The following PTPN1 variants were observed in gnomAD, a reference collection of about 807,000 sequenced individuals.
The protein encoded by PTPN1 is tyrosine-protein phosphatase non-receptor type 1.
A neutral mutation model predicts 59.9 loss-of-function variants in PTPN1; 12 were observed. That is an observed-to-expected ratio of 0.20 (90% CI 0.13 to 0.32). The LOEUF (loss-of-function observed/expected upper bound fraction) is 0.32. Among genes scored for constraint, PTPN1 ranks in the 10% least tolerant of loss-of-function variants. The probability of loss-of-function intolerance (pLI) is 1.00; values close to 1 mark genes in which losing one functional copy is unlikely to be tolerated. For synonymous variants in PTPN1, 178 were observed against 203.6 expected, an observed-to-expected ratio of 0.87 and a Z score of 1.07; for missense variants, 356 against 549.2, an observed-to-expected ratio of 0.65 and a Z score of 3.52.
At position 50,523,337 on chromosome 20, in the gene PTPN1, C is replaced by T. The variant is rs776798517; in HGVS notation, c.63+12747C>T. ...GTGGGGTGTTTAAATATAGAACATTCGGAGAATGCTCCGAAGCTTCAGAGA... is the reference window on the plus strand; with the variant it reads ...GTGGGGTGTTTAAATATAGAACATTTGGAGAATGCTCCGAAGCTTCAGAGA... On this transcript the variant is annotated intron_variant, in intron 1 of 9. Transcript: ENST00000371621. Among the ~76,000 whole-genome samples, 23 of 152,064 alleles carry T rather than the reference C, an allele frequency of 1.5e-4. 1 individual carries two copies. Among genetic ancestry groups the T allele is most frequent in the African/African-American group, 2.4e-5 (1 of 41,396 alleles).
rs1045952731 is a variant in PTPN1, at chr20:50,567,134, A to G, written c.256-1246A>G. 2.9e-4 allele frequency among the ~76,000 whole-genome samples: 44 copies of G among 152,208 alleles called. 1 individual carries two copies. Among genetic ancestry groups the G allele is most frequent in the Non-Finnish European group, 4.4e-5 (3 of 68,038 alleles). On this transcript the variant is annotated intron_variant, in intron 3 of 9. Transcript: ENST00000371621. ...CTTAAAGGGAGAAGATTTAAAGAATAAGGAGCTTATGGGCCGGGGACGGTG... is the reference window on the plus strand; with the variant it reads ...CTTAAAGGGAGAAGATTTAAAGAATGAGGAGCTTATGGGCCGGGGACGGTG...
At chr20:50,559,860 G>GTTT (rs774784720) in intron 1 of PTPN1, among the ~76,000 whole-genome samples, 1 of 141,854 alleles carries the variant, frequency 7.0e-6, no homozygotes, top group Non-Finnish European at 1.5e-5. Context: ...TCCCCCAAGG[G>GTTT]TTTTTTTTTT....
chr20:50,543,373 A>G (rs1446578207), intron 1 of PTPN1, among the ~76,000 whole-genome samples: 1 of 152,234 alleles, frequency 6.6e-6, no homozygotes, highest in East Asian at 1.9e-4. Context: ...AATTTGCTAA[A>G]TAGTTGCAAA....
chr20:50,581,283 A>G lies in PTPN1; in HGVS notation c.1107A>G (p.Glu369=). ...TCCTCAGCATGAGTCAAGACACTGA[A>G]GTTAGAAGTCGGGTCGTGGGGGGAA... ...YGIESMSQDT[E]VRSRVVGGSL... is the part of the protein sequence containing the mutation. The change falls in exon 9 of 10, where the codon GAA becomes GAG. Residue 369 remains glutamate, a synonymous_variant. Transcript: ENST00000371621. 1 of 1,611,642 alleles carries G rather than the reference A, an allele frequency of 6.2e-7. No individual in the cohort carries two copies. Among genetic ancestry groups the G allele is most frequent in the Non-Finnish European group, 8.5e-7 (1 of 1,178,082 alleles).
chr20:50,566,753 G>A (rs977626907), intron 3 of PTPN1, among the ~76,000 whole-genome samples: 14 of 152,126 alleles, frequency 9.2e-5, no homozygotes, highest in Non-Finnish European at 1.5e-4. Flanking sequence ...AGTGTGGTGC[G>A]TGTCCTTGCA....
intron 1 of PTPN1, among the ~76,000 whole-genome samples, chr20:50,517,621 A>G (rs902353418): frequency 4.5e-4 from 69 of 152,230 alleles, no homozygotes; most frequent in African/African-American, 1.5e-3. Flanking sequence ...TTATGGTTTT[A>G]CTAAGGCAGT....
Position 50,582,887 on chromosome 20 carries a change from A to C in PTPN1, c.*172A>C, listed in dbSNP as rs1020255692. The C allele has an allele frequency of 4.3e-6, 3 of 698,000 alleles. No individual in the cohort carries two copies. The highest frequency in any genetic ancestry group is 4.8e-6 in the Non-Finnish European group (2 of 415,056). The allele number at this position is 698,000 out of a possible 1,614,324, so 43.2% of individuals were successfully genotyped here. A position where few individuals can be genotyped will look rare whatever the true frequency, so the allele number is the denominator to read the frequency against. On this transcript the variant is annotated 3_prime_UTR_variant, in exon 10 of 10. Coordinates refer to ENST00000371621, the MANE Select transcript of PTPN1 (RefSeq NM_002827.4). The surrounding 1 kb of genome is among the most constrained non-coding windows in gnomAD (Gnocchi z 4.2). ...CCCATCTTCCCCGGATGTGTGTCTC[A>C]CCCCTCATCCTTTTACTTTTTGCCC... is the stretch of plus-strand genomic sequence containing the variant.
chr20:50,527,789 C>A (rs2082583761), intron 1 of PTPN1, among the ~76,000 whole-genome samples: 1 of 152,144 alleles, frequency 6.6e-6, no homozygotes, highest in Admixed American at 6.6e-5. Flanking sequence ...GTTTTAATAA[C>A]TCTATTTTTT....
At position 50,568,334 on chromosome 20, in the gene PTPN1, A is replaced by G; in HGVS notation, c.256-46A>G. 3 of 1,509,808 alleles carry G rather than the reference A, an allele frequency of 2.0e-6. No individual in the cohort carries two copies. Among genetic ancestry groups the G allele is most frequent in the Non-Finnish European group, 2.8e-6 (3 of 1,085,248 alleles). 93.5% of individuals were successfully genotyped at this position (1,509,808 alleles called of 1,614,324 possible). ...GCAGAAGGTGAGCACACGCTGTAGCATGTTATGTTTCAGATGTCACATGTT... is the reference window on the plus strand; with the variant it reads ...GCAGAAGGTGAGCACACGCTGTAGCGTGTTATGTTTCAGATGTCACATGTT... On this transcript the variant is annotated intron_variant, in intron 3 of 9. Transcript: ENST00000371621. This position sits in a 1 kb window ranked among gnomAD's most constrained non-coding sequence, Gnocchi z 5.6.
At chr20:50,565,988 T>C (rs992623869) in intron 3 of PTPN1, among the ~76,000 whole-genome samples, 5 of 152,204 alleles carry the variant, frequency 3.3e-5, no homozygotes, top group African/African-American at 7.2e-5. Flanking sequence ...CTTGTCCCAG[T>C]TCCTCCCCAT....
rs776030790 is a variant in PTPN1, at chr20:50,574,643, GA to G, written c.485del (p.Asn162ThrfsTer31). 6.2e-7 allele frequency: 1 copy of G among 1,603,622 alleles called. No individual in the cohort carries two copies. Among genetic ancestry groups the G allele is most frequent in the Non-Finnish European group, 8.5e-7 (1 of 1,176,784 alleles). On this transcript the variant is annotated frameshift_variant, in exon 5 of 10. Transcript: ENST00000371621. LOFTEE classifies it high-confidence loss of function. ...SYYTVRQLEL[E>X]NLTTQETREI... ...TTATACAGTGCGACAGCTAGAATTG[GA>G]AAACCTTACAGTGAGTATAGCACAC... is the stretch of plus-strand genomic sequence containing the variant.
chr20:50,533,425 A>C lies in PTPN1; in HGVS notation c.63+22835A>C, dbSNP rs939195176. Among the ~76,000 whole-genome samples, 3 of 152,068 alleles carry C rather than the reference A, an allele frequency of 2.0e-5. No homozygotes were observed. The South Asian group carries it at 6.2e-4, about 32-fold the overall frequency. On this transcript the variant is annotated intron_variant, in intron 1 of 9. Coordinates refer to ENST00000371621, the MANE Select transcript of PTPN1 (RefSeq NM_002827.4). ...GGAGCTCTCATCTCTGGGAGACATC[A>C]CATTACCCACTGCCCCCTGCCCCCC...
chr20:50,539,066 G>A (rs1001652022), intron 1 of PTPN1, among the ~76,000 whole-genome samples: 3 of 112,948 alleles, frequency 2.7e-5, no homozygotes, highest in Admixed American at 1.3e-4. Context: ...AAAGAGTTTC[G>A]CTCTTGTTGC....
chr20:50,575,928 A>G (rs993402828), intron 5 of PTPN1, among the ~76,000 whole-genome samples: 4 of 152,184 alleles, frequency 2.6e-5, no homozygotes, highest in Admixed American at 2.6e-4. Context: ...CCCTGTCTCA[A>G]AAATAAATAA....
intron 1 of PTPN1, among the ~76,000 whole-genome samples, chr20:50,557,398 G>C (rs1434408450): frequency 6.6e-6 from 1 of 152,012 alleles, no homozygotes; most frequent in East Asian, 1.9e-4. Context: ...ACCATGCCCA[G>C]CTCAAAATGT....
chr20:50,578,333 T>G, intron 5 of PTPN1, 87 bp from the exon 6 acceptor site: 1 of 1,162,460 alleles, frequency 8.6e-7, no homozygotes, highest in South Asian at 1.3e-5. Flanking sequence ...AGGTAGAGAG[T>G]GGAAGGTGAC....
chr20:50,541,489 G>C (rs2082652140), intron 1 of PTPN1, among the ~76,000 whole-genome samples: 1 of 152,134 alleles, frequency 6.6e-6, no homozygotes, highest in Non-Finnish European at 1.5e-5. Context: ...CATCTCTTCT[G>C]GGAAGCCTCT....
Position 50,582,555 on chromosome 20 carries a change from T to C in PTPN1, c.1285-137T>C, listed in dbSNP as rs1160253169. ...ATGATTTTTGGGGAGAGGGGGCTACTGTAAAAAATAAAACCAAAACCCCCT... is the reference window on the plus strand; with the variant it reads ...ATGATTTTTGGGGAGAGGGGGCTACCGTAAAAAATAAAACCAAAACCCCCT... On this transcript the variant is annotated intron_variant, in intron 9 of 9. Transcript: ENST00000371621. This position sits in a 1 kb window ranked among gnomAD's most constrained non-coding sequence, Gnocchi z 4.2. The C allele has an allele frequency of 3.6e-6, 3 of 840,270 alleles. No homozygotes were observed. The East Asian group carries it at 8.1e-5, about 23-fold the overall frequency. 52.1% of individuals were successfully genotyped at this position (840,270 alleles called of 1,614,324 possible).
At position 50,554,380 on chromosome 20, in the gene PTPN1, A is replaced by ATCTCTCTCTCTCTC. The variant is rs1555829975; in HGVS notation, c.64-6968_64-6955dup. ...CCAGCCTAGGCAACAGCAAGACCAC[A>ATCTCTCTCTCTCTC]TCTCTCTCTCTCTCTCTCTCTCTCT... On this transcript the variant is annotated intron_variant, in intron 1 of 9. Transcript: ENST00000371621. 1.7e-4 allele frequency among the ~76,000 whole-genome samples: 24 copies of ATCTCTCTCTCTCTC among 140,280 alleles called. 1 individual carries two copies. The highest frequency in any genetic ancestry group is 5.6e-4 in the African/African-American group (21 of 37,258). 92.0% of individuals were successfully genotyped at this position (140,280 alleles called of 152,430 possible).
Sources: allele counts gnomAD v4.1 joint callset (sites outside exome capture counted in the v4.1 genomes callset), GRCh38; gene constraint gnomAD v4.1.1; non-coding constraint Gnocchi (gnomAD v3.1); transcripts MANE v1.5; gene names NCBI Gene and HGNC (gene_info 2026-07-23, HGNC 2026-07-21).